GAS2: variants seen among roughly 807,000 people sequenced by gnomAD.
GAS2 encodes the protein growth arrest-specific protein 2.
Under a neutral mutation model 37.5 loss-of-function variants are expected in GAS2, and 20 were observed. The ratio of observed to expected loss-of-function variants is 0.53; its 90% CI spans 0.37 to 0.77. The LOEUF (loss-of-function observed/expected upper bound fraction) is 0.77, where lower values mean the gene tolerates loss of function less well. Ranked by LOEUF, GAS2 falls within the 30% of genes least tolerant of loss-of-function variation. The probability of loss-of-function intolerance (pLI) is 0.00; values close to 1 mark genes in which losing one functional copy is unlikely to be tolerated. For missense variants in GAS2, 336 were observed against 373.4 expected, an observed-to-expected ratio of 0.90 and a Z score of 0.82; for synonymous variants, 144 against 132.2, an observed-to-expected ratio of 1.09 and a Z score of -0.61.
At chr11:22,805,555 A>G (rs1002349999) in intron 7 of GAS2, among the ~76,000 whole-genome samples, 3 of 152,110 alleles carry the variant, frequency 2.0e-5, no homozygotes, top group African/African-American at 7.2e-5. Context: ...TTCTGCTTCT[A>G]GTAACCACCA....
chr11:22,709,390 A>G lies in GAS2; in HGVS notation c.268-16902A>G, dbSNP rs141075486. ...TTTGTAAATGTAATTGAAAGTAGACATGTATTTGAAAAAAAATTAAATTAA... is the reference window on the plus strand; with the variant it reads ...TTTGTAAATGTAATTGAAAGTAGACGTGTATTTGAAAAAAAATTAAATTAA... On this transcript the variant is annotated intron_variant, in intron 3 of 7. Coordinates refer to ENST00000454584, the MANE Select transcript of GAS2 (RefSeq NM_001143830.3). 5.9e-5 allele frequency among the ~76,000 whole-genome samples: 9 copies of G among 152,244 alleles called. No homozygotes were observed. The East Asian group carries it at 1.7e-3, about 29-fold the overall frequency.
At chr11:22,806,557 C>A (rs1856898764) in intron 7 of GAS2, among the ~76,000 whole-genome samples, 1 of 152,202 alleles carries the variant, frequency 6.6e-6, no homozygotes, top group Admixed American at 6.5e-5. Flanking sequence ...TACTAACTTG[C>A]ATTTCCACCA....
chr11:22,656,227 A>G (rs189212828), intron 1 of GAS2, among the ~76,000 whole-genome samples: 2 of 152,316 alleles, frequency 1.3e-5, no homozygotes, highest in African/African-American at 2.4e-5. Flanking sequence ...AAACTTGGCT[A>G]TGTTTTCTGA....
At chr11:22,726,254 G>T in intron 3 of GAS2, 38 bp from the exon 4 acceptor site, 1 of 1,574,718 alleles carries the variant, frequency 6.4e-7, no homozygotes, top group South Asian at 1.2e-5. Context: ...TGCTAACTTT[G>T]ACAGATTTCT....
upstream of GAS2, among the ~76,000 whole-genome samples, chr11:22,663,252 C>G (rs182563797): frequency 7.2e-5 from 11 of 152,096 alleles, no homozygotes; most frequent in African/African-American, 2.7e-4. Flanking sequence ...GATTACAATT[C>G]TAGATGAAAT....
At chr11:22,809,124 A>G (rs1244287701) in intron 7 of GAS2, among the ~76,000 whole-genome samples, 1 of 152,156 alleles carries the variant, frequency 6.6e-6, no homozygotes, top group Non-Finnish European at 1.5e-5. Context: ...ACAACATGGT[A>G]CTGTGACCGA....
intron 6 of GAS2, among the ~76,000 whole-genome samples, chr11:22,750,792 T>G (rs1031415728): frequency 6.6e-6 from 1 of 151,990 alleles, no homozygotes; most frequent in Non-Finnish European, 1.5e-5. Context: ...TATAAATATA[T>G]TTCCCTGGGG....
chr11:22,640,391 T>C (rs1305718889), intron 1 of GAS2, among the ~76,000 whole-genome samples: 1 of 152,212 alleles, frequency 6.6e-6, no homozygotes, highest in African/African-American at 2.4e-5. Context: ...CATAGTAATG[T>C]TTAACATTTT....
chr11:22,777,935 T>A (rs1233096082), intron 7 of GAS2, among the ~76,000 whole-genome samples: 1 of 152,206 alleles, frequency 6.6e-6, no homozygotes, highest in Non-Finnish European at 1.5e-5. Context: ...CTATTTCAGT[T>A]GTTCATATGC....
chr11:22,731,396 G>T (rs924270898), intron 4 of GAS2: 4 of 442,194 alleles, frequency 9.0e-6, no homozygotes, highest in African/African-American at 8.1e-5. Flanking sequence ...ACAAGAAAAG[G>T]GTTTGCTATC....
chr11:22,777,423 G>C (rs942627807), intron 7 of GAS2, among the ~76,000 whole-genome samples: 1 of 152,160 alleles, frequency 6.6e-6, no homozygotes, highest in Non-Finnish European at 1.5e-5. Flanking sequence ...ATTATTTAGA[G>C]TACATATTCA....
intron 7 of GAS2, among the ~76,000 whole-genome samples, chr11:22,780,542 A>T (rs1855506339): frequency 7.2e-6 from 1 of 139,338 alleles, no homozygotes; most frequent in African/African-American, 2.7e-5. Context: ...TGGGCAACAG[A>T]GCAAGACTCT....
At chr11:22,779,720 A>T (rs527624708) in intron 7 of GAS2, among the ~76,000 whole-genome samples, 2 of 152,082 alleles carry the variant, frequency 1.3e-5, no homozygotes, top group Non-Finnish European at 2.9e-5. Context: ...AAACAAAAAA[A>T]AAAACCAAAC....
At chr11:22,640,877 A>G (rs2133817254) in intron 1 of GAS2, among the ~76,000 whole-genome samples, 1 of 152,264 alleles carries the variant, frequency 6.6e-6, no homozygotes, top group Admixed American at 6.5e-5. Flanking sequence ...TAGCTAAGAA[A>G]AGGGGGCAAA....
intron 7 of GAS2, among the ~76,000 whole-genome samples, chr11:22,756,316 A>G (rs973407995): frequency 6.6e-6 from 1 of 152,136 alleles, no homozygotes; most frequent in African/African-American, 2.4e-5. Flanking sequence ...AAAAGAAAAG[A>G]AAATGAAAAA....
chr11:22,810,949 T>C (rs1215815296), intron 7 of GAS2, among the ~76,000 whole-genome samples: 3 of 152,226 alleles, frequency 2.0e-5, no homozygotes, highest in Non-Finnish European at 4.4e-5. Context: ...TATGTATCCA[T>C]AACATTTTGG....
intron 1 of GAS2, among the ~76,000 whole-genome samples, chr11:22,648,993 C>A (rs1278667832): frequency 1.3e-5 from 2 of 152,062 alleles, no homozygotes; most frequent in Non-Finnish European, 2.9e-5. Context: ...CTGTCTTGTG[C>A]CAGTTGTCAA....
intron 1 of GAS2, among the ~76,000 whole-genome samples, chr11:22,645,219 T>A (rs374062908): frequency 1.3e-5 from 2 of 151,968 alleles, no homozygotes; most frequent in Non-Finnish European, 2.9e-5. Flanking sequence ...ATTAAAAATA[T>A]GTATATATGG....
rs138415669 is a variant in GAS2 at position 22,789,167 on chromosome 11, T to G, written c.724-22631T>G. On this transcript the variant is annotated intron_variant, in intron 7 of 7. Coordinates refer to ENST00000454584, the MANE Select transcript of GAS2 (RefSeq NM_001143830.3). ...TACAAGATCCTATGCCATGTCATTGTTATCAGGATTGACACTAATTTGATG... is the reference window on the plus strand; with the variant it reads ...TACAAGATCCTATGCCATGTCATTGGTATCAGGATTGACACTAATTTGATG... Among the ~76,000 whole-genome samples, 903 of 149,934 alleles carry G rather than the reference T, an allele frequency of 6.0e-3. 8 individuals are homozygous for G. Among genetic ancestry groups the G allele is most frequent in the African/African-American group, 0.021 (847 of 40,962 alleles).
Sources: gnomAD v4.1 joint callset for allele counts (sites outside exome capture counted in the v4.1 genomes callset) on GRCh38, gnomAD v4.1.1 for gene constraint, MANE v1.5 for transcripts, NCBI Gene and HGNC (gene_info 2026-07-23, HGNC 2026-07-21) for gene names.